The following NPAS2 variants were observed in gnomAD, a reference collection of about 807,000 sequenced individuals.
NPAS2 encodes neuronal PAS domain protein 2.
In NPAS2, 23 loss-of-function variants were observed where a neutral mutation model predicts 107.5. The ratio of observed to expected loss-of-function variants is 0.21; its 90% confidence interval spans 0.15 to 0.30. The LOEUF is 0.30. Among genes scored for constraint, NPAS2 ranks in the 10% least tolerant of loss-of-function variants. NPAS2 has a pLI of 1.00. For missense variants in NPAS2, 756 were observed against 1,043.3 expected (o/e 0.72, Z 3.79); for synonymous variants, 403 against 417.5 (o/e 0.97, Z 0.42).
At chr2:100,861,367 T>C (rs1678930396) in intron 1 of NPAS2, among the ~76,000 whole-genome samples, 2 of 152,158 alleles carry the variant, frequency 1.3e-5, no homozygotes, top group Admixed American at 6.5e-5. Flanking sequence ...ATATTCATAG[T>C]GCAGACAGAG....
Position 100,937,856 on chromosome 2 carries a change from C to T in NPAS2, c.363+14C>T. On this transcript the variant is annotated intron_variant, in intron 5 of 20. Coordinates refer to ENST00000335681, the MANE Select transcript of NPAS2 (RefSeq NM_002518.4). Reference sequence around the variant, plus strand: ...GGGCATTTACCGGTGAGTTTCCACTCCAATGGCCTTTACCGGTTCACGTTA... The same window carrying T: ...GGGCATTTACCGGTGAGTTTCCACTTCAATGGCCTTTACCGGTTCACGTTA... 1 of 1,569,472 alleles carries T rather than the reference C, an allele frequency of 6.4e-7. No individual in the cohort carries two copies. Among genetic ancestry groups the T allele is most frequent in the Non-Finnish European group, 8.8e-7 (1 of 1,139,224 alleles).
chr2:100,882,613 A>AAAACAAAC (rs143692609), intron 1 of NPAS2, among the ~76,000 whole-genome samples: 4 of 152,154 alleles, frequency 2.6e-5, no homozygotes, highest in East Asian at 3.9e-4. Context: ...ACTCCGTCTC[A>AAAACAAAC]AAACAAACAA....
intron 1 of NPAS2, among the ~76,000 whole-genome samples, chr2:100,873,714 C>T (rs1679770250): frequency 6.6e-6 from 1 of 152,036 alleles, no homozygotes; most frequent in Non-Finnish European, 1.5e-5. Context: ...AGCAATGGAG[C>T]GGGGATTCAT....
In NPAS2 at chr2:100,965,727, A is replaced by G. The variant is rs1676172320; in HGVS notation, c.868A>G (p.Ile290Val). 2 of 1,613,868 alleles carry G rather than the reference A, an allele frequency of 1.2e-6. No homozygotes were observed. Among genetic ancestry groups the G allele is most frequent in the South Asian group, 1.1e-5 (1 of 91,054 alleles). The change falls in exon 10 of 21, where the codon ATT becomes GTT. Residue 290 changes from isoleucine (I) to valine (V), a missense_variant. Physicochemically the swap from Ile to Val is conservative, Grantham distance 29 (BLOSUM62 3). Transcript: ENST00000335681. This position sits in a 1 kb window ranked among gnomAD's most constrained non-coding sequence, Gnocchi z 4.3. ...AACCTCAGGCTATGACTACTACCAC[A>G]TTGATGACCTGGAGCTCCTGGCCAG... ...LGTSGYDYYHIDDLELLARCH... is the reference protein window; with the variant it reads ...LGTSGYDYYHVDDLELLARCH...
rs978486598 is a variant in NPAS2, at chr2:100,965,648, G to A, written c.801-12G>A. The A allele has an allele frequency of 1.9e-6, 3 of 1,600,164 alleles. No homozygotes were observed. The highest frequency in any genetic ancestry group is 2.6e-6 in the Non-Finnish European group (3 of 1,167,734). On this transcript the variant is annotated splice_polypyrimidine_tract_variant and intron_variant, in intron 9 of 20. Coordinates refer to ENST00000335681, the MANE Select transcript of NPAS2 (RefSeq NM_002518.4). This position sits in a 1 kb window ranked among gnomAD's most constrained non-coding sequence, Gnocchi z 4.3. ...TCCTCCCTGATGACAAGTCCTCCTT[G>A]TCCTTGTGCAGAGCACCTCCAATCA...
intron 1 of NPAS2, among the ~76,000 whole-genome samples, chr2:100,850,127 T>C (rs1319325614): frequency 2.0e-5 from 3 of 151,986 alleles, no homozygotes; most frequent in African/African-American, 7.2e-5. Context: ...TACTGACAGA[T>C]TTGAGTTAAA....
Position 100,995,441 on chromosome 2 carries a change from G to C in NPAS2, c.2334G>C (p.Ser778=). 6.2e-7 allele frequency: 1 copy of C among 1,613,920 alleles called. No individual in the cohort carries two copies. Among genetic ancestry groups the C allele is most frequent in the South Asian group, 1.1e-5 (1 of 91,058 alleles). Residue 778 remains serine (S), a synonymous_variant, in exon 21 of 21, where the codon TCG becomes TCC. Coordinates refer to ENST00000335681, the MANE Select transcript of NPAS2 (RefSeq NM_002518.4). ...CTTTGCACAGTGAGCAGCAGGACTC[G>C]CTACTTCTCTCCACCTACTCACAAC... The part of the protein sequence containing the change: ...PTSLHSEQQD[S]LLLSTYSQQP...
chr2:100,863,503 G>A (rs1679066864), intron 1 of NPAS2, among the ~76,000 whole-genome samples: 1 of 152,218 alleles, frequency 6.6e-6, no homozygotes, highest in African/African-American at 2.4e-5. Context: ...GTTTGGAGGA[G>A]TGGTTGCTTT....
chr2:100,959,747 G>A lies in NPAS2; in HGVS notation c.599-4311G>A, dbSNP rs76715565. On this transcript the variant is annotated intron_variant, in intron 7 of 20. Transcript: ENST00000335681. The stretch of plus-strand genomic sequence containing the variant: ...TTTTTCATTTGTTTCGAGAAGTGCC[G>A]AGAAAGCTATTTGTCACTTCCTTGT... Among the ~76,000 whole-genome samples, 9 of 152,236 alleles carry A rather than the reference G, an allele frequency of 5.9e-5. No homozygotes were observed. The East Asian group carries it at 1.2e-3, about 20-fold the overall frequency.
rs375949423 is a variant in NPAS2, at chr2:100,970,262, T to G, written c.1056-728T>G. Among the ~76,000 whole-genome samples, 11 of 152,196 alleles carry G rather than the reference T, an allele frequency of 7.2e-5. No homozygotes were observed. The East Asian group carries it at 7.7e-4, about 11-fold the overall frequency. The stretch of plus-strand genomic sequence containing the variant: ...ACCCCTCACCCTTCAGGCTGTGCCC[T>G]CTACCAGCTCTTCTTCTCCATCCTC... On this transcript the variant is annotated intron_variant, in intron 11 of 20. Transcript: ENST00000335681.
intron 14 of NPAS2, chr2:100,977,279 G>A (rs534834867): frequency 3.9e-4 from 88 of 227,782 alleles, no homozygotes; most frequent in Admixed American, 6.8e-4. Context: ...CTGCATTAGC[G>A]CTGAGCAGAA....
intron 3 of NPAS2, among the ~76,000 whole-genome samples, chr2:100,926,694 C>T (rs1573637146): frequency 6.6e-6 from 1 of 152,064 alleles, no homozygotes; most frequent in Non-Finnish European, 1.5e-5. Context: ...ATACTAGACC[C>T]TTATCTGGTA....
At chr2:100,847,860 C>G (rs1010549262) in intron 1 of NPAS2, among the ~76,000 whole-genome samples, 30 of 152,090 alleles carry the variant, frequency 2.0e-4, no homozygotes, top group African/African-American at 7.0e-4. Flanking sequence ...TGTAGAAGGG[C>G]CTTCTTTTGG....
chr2:100,940,578 A>G (rs1674518260), intron 5 of NPAS2, among the ~76,000 whole-genome samples: 1 of 152,218 alleles, frequency 6.6e-6, no homozygotes, highest in Non-Finnish European at 1.5e-5. Context: ...GTGTAGGCGC[A>G]TAGAACCGTG....
At chr2:100,850,734 CTT>C (rs1450480741) in intron 1 of NPAS2, among the ~76,000 whole-genome samples, 5 of 152,036 alleles carry the variant, frequency 3.3e-5, no homozygotes, top group East Asian at 3.9e-4. Context: ...GGGAGGATCA[CTT>C]GAGATCAGGC....
chr2:100,881,917 C>G (rs1035333090), intron 1 of NPAS2, among the ~76,000 whole-genome samples: 1 of 152,154 alleles, frequency 6.6e-6, no homozygotes, highest in African/African-American at 2.4e-5. Context: ...CTCTGTGACA[C>G]CCACCACCTC....
At chr2:100,861,696 A>C (rs1678951317) in intron 1 of NPAS2, among the ~76,000 whole-genome samples, 1 of 152,208 alleles carries the variant, frequency 6.6e-6, no homozygotes, top group African/African-American at 2.4e-5. Flanking sequence ...GTATTGAATC[A>C]GGCTGTCCTG....
At chr2:100,916,368 A>C (rs11894322) in intron 2 of NPAS2, among the ~76,000 whole-genome samples, 33,530 of 152,086 alleles carry the variant, frequency 0.22, 4,230 homozygotes, top group Non-Finnish European at 0.28. Flanking sequence ...ATTCAACTCA[A>C]ATATGATGCT....
intron 5 of NPAS2, among the ~76,000 whole-genome samples, chr2:100,944,352 A>C (rs1239181493): frequency 6.6e-6 from 1 of 152,156 alleles, no homozygotes; most frequent in Non-Finnish European, 1.5e-5. Flanking sequence ...GTGTGCTTTT[A>C]GTACAGGCTC....
Sources: gnomAD v4.1 joint callset for allele counts (sites outside exome capture counted in the v4.1 genomes callset) on GRCh38, gnomAD v4.1.1 for gene constraint, Gnocchi (gnomAD v3.1) non-coding constraint, MANE v1.5 for transcripts, NCBI Gene and HGNC (gene_info 2026-07-23, HGNC 2026-07-21) for gene names.